Variants in CRX observed in about 807,000 individuals in gnomAD.
CRX encodes cone-rod homeobox.
A neutral mutation model predicts 13.1 loss-of-function variants in CRX; 5 were observed. That is an observed-to-expected ratio of 0.38 (90% CI 0.20 to 0.80). CRX has a LOEUF of 0.80. Among genes scored for constraint, CRX ranks in the 30% least tolerant of loss-of-function variants. The pLI is 0.43. For missense variants in CRX, 351 were observed against 391.8 expected, an observed-to-expected ratio of 0.90 and a Z score of 0.88; for synonymous variants, 179 against 171.1, an observed-to-expected ratio of 1.05 and a Z score of -0.36.
At chr19:47,831,725 C>T (rs977232758) in intron 1 of CRX, among the ~76,000 whole-genome samples, 10 of 151,812 alleles carry the variant, frequency 6.6e-5, no homozygotes, top group South Asian at 6.2e-4. Flanking sequence ...GTCTTATTGC[C>T]GAGCCTAGAA....
intron 3 of CRX, among the ~76,000 whole-genome samples, chr19:47,838,801 T>C (rs12973062): frequency 0.18 from 26,004 of 142,820 alleles, 2,555 homozygotes; most frequent in Non-Finnish European, 0.22. Context: ...GATGTATGTG[T>C]GTATGGTGTA....
At position 47,840,007 on chromosome 19, in the gene CRX, C is replaced by A; in HGVS notation, c.*40C>A. 1 of 1,606,236 alleles carries A rather than the reference C, an allele frequency of 6.2e-7. No homozygotes were observed. The highest frequency in any genetic ancestry group is 8.5e-7 in the Non-Finnish European group (1 of 1,178,848). ...ATCTCTCTCCATCGGGCCTCGGGAC[C>A]CTTTCTCTTCTGAATCTGCTTCCCT... is the stretch of plus-strand genomic sequence containing the variant. On this transcript the variant is annotated 3_prime_UTR_variant, in exon 4 of 4. Coordinates refer to ENST00000221996, the MANE Select transcript of CRX (RefSeq NM_000554.6).
At chr19:47,822,656 A>T (rs1967926304) in intron 1 of CRX, among the ~76,000 whole-genome samples, 2 of 152,188 alleles carry the variant, frequency 1.3e-5, no homozygotes, top group Admixed American at 6.5e-5. Context: ...GTGCTGGTGA[A>T]TTGATCACTT....
Position 47,839,990 on chromosome 19 carries a change from C to T in CRX, c.*23C>T. On this transcript the variant is annotated 3_prime_UTR_variant, in exon 4 of 4. Transcript: ENST00000221996. The surrounding 1 kb of genome is among the most constrained non-coding windows in gnomAD (Gnocchi z 4.6). ...TAGAGGACGCAGTCTCCATCTCTCTCCATCGGGCCTCGGGACCCTTTCTCT... is the reference window on the plus strand; with the variant it reads ...TAGAGGACGCAGTCTCCATCTCTCTTCATCGGGCCTCGGGACCCTTTCTCT... The T allele has an allele frequency of 6.2e-7, 1 of 1,611,046 alleles. No homozygotes were observed. The highest frequency in any genetic ancestry group is 1.1e-5 in the South Asian group (1 of 91,056).
intron 1 of CRX, among the ~76,000 whole-genome samples, chr19:47,824,990 A>ATTTT (rs11374819): frequency 0.071 from 7,072 of 100,222 alleles, 777 homozygotes; most frequent in African/African-American, 0.23. Flanking sequence ...CGATTGATTG[A>ATTTT]TTTTTTTTTT....
chr19:47,825,067 T>C (rs894100011), intron 1 of CRX, among the ~76,000 whole-genome samples: 12 of 141,906 alleles, frequency 8.5e-5, no homozygotes, highest in Admixed American at 7.6e-4. Flanking sequence ...CTCAGCTCAC[T>C]GCAGCCTCCG....
At chr19:47,826,235 A>G (rs1967973766) in intron 1 of CRX, among the ~76,000 whole-genome samples, 1 of 152,132 alleles carries the variant, frequency 6.6e-6, no homozygotes, top group South Asian at 2.1e-4. Flanking sequence ...TAGCCTTGAA[A>G]TCCTGGATTC....
Position 47,834,410 on chromosome 19 carries a change from C to T in CRX, c.-34C>T. 2.7e-6 allele frequency: 4 copies of T among 1,501,688 alleles called. No individual in the cohort carries two copies. The highest frequency in any genetic ancestry group is 3.7e-6 in the Non-Finnish European group (4 of 1,077,572). The allele number at this position is 1,501,688 out of a possible 1,614,324, so 93.0% of individuals were successfully genotyped here. On this transcript the variant is annotated splice_region_variant and 5_prime_UTR_variant, in exon 2 of 4. Transcript: ENST00000221996. ...AGCATCCCTCCTCTTCTCTTGCAGGCCCCCTGACTTGGGCCTCAGTGTCCC... is the reference window on the plus strand; with the variant it reads ...AGCATCCCTCCTCTTCTCTTGCAGGTCCCCTGACTTGGGCCTCAGTGTCCC...
At chr19:47,836,533 C>A in intron 3 of CRX, 139 bp downstream of exon 3, 1 of 1,162,940 alleles carries the variant, frequency 8.6e-7, no homozygotes, top group Non-Finnish European at 1.2e-6. Flanking sequence ...TCCCTCTCCC[C>A]ACCATCCCAC....
chr19:47,825,829 G>A (rs1206099757), intron 1 of CRX, among the ~76,000 whole-genome samples: 1 of 152,196 alleles, frequency 6.6e-6, no homozygotes, highest in Non-Finnish European at 1.5e-5. Flanking sequence ...GGCTGAGGCA[G>A]AAGAATCGCT....
intron 1 of CRX, among the ~76,000 whole-genome samples, chr19:47,828,265 T>C (rs1323667260): frequency 3.3e-5 from 5 of 152,130 alleles, no homozygotes; most frequent in African/African-American, 1.2e-4. Context: ...CTTCCTATAT[T>C]CCTAGTTCCT....
chr19:47,838,392 G>A (rs1006851268), intron 3 of CRX, among the ~76,000 whole-genome samples: 2 of 152,082 alleles, frequency 1.3e-5, no homozygotes, highest in South Asian at 2.1e-4. Context: ...TGAAATGTGT[G>A]TCTGCATGAT....
Position 47,840,011 on chromosome 19 carries a change from T to G in CRX, c.*44T>G, listed in dbSNP as rs779790279. On this transcript the variant is annotated 3_prime_UTR_variant, in exon 4 of 4. Coordinates refer to ENST00000221996, the MANE Select transcript of CRX (RefSeq NM_000554.6). ...CTCTCCATCGGGCCTCGGGACCCTT[T>G]CTCTTCTGAATCTGCTTCCCTGCAG... 6.2e-7 allele frequency: 1 copy of G among 1,605,198 alleles called. No individual in the cohort carries two copies. The highest frequency in any genetic ancestry group is 8.5e-7 in the Non-Finnish European group (1 of 1,178,562).
At chr19:47,823,538 G>C (rs1395929021) in intron 1 of CRX, among the ~76,000 whole-genome samples, 2 of 152,180 alleles carry the variant, frequency 1.3e-5, no homozygotes, top group Admixed American at 1.3e-4. Flanking sequence ...CTGGACAGAG[G>C]AGCCAACAGA....
At chr19:47,828,827 C>T (rs1413135280) in intron 1 of CRX, among the ~76,000 whole-genome samples, 4 of 151,212 alleles carry the variant, frequency 2.6e-5, no homozygotes, top group Non-Finnish European at 2.9e-5. Context: ...ATGAGGAACC[C>T]TCAGAGGGTT....
At chr19:47,822,171 A>T (rs1301733600) in intron 1 of CRX, among the ~76,000 whole-genome samples, 161 bp downstream of exon 1, 1 of 152,190 alleles carries the variant, frequency 6.6e-6, no homozygotes, top group East Asian at 1.9e-4. Flanking sequence ...GCATTTGTGG[A>T]AACGGGGCTA....
chr19:47,822,939 G>A (rs929270512), intron 1 of CRX, among the ~76,000 whole-genome samples: 16 of 152,096 alleles, frequency 1.1e-4, no homozygotes, highest in Non-Finnish European at 2.1e-4. Context: ...AATTACAGGC[G>A]CGTGCCCCCA....
At position 47,841,522 on chromosome 19, in the gene CRX, G is replaced by T. The variant is rs1373455151; in HGVS notation, c.*1555G>T. ...CAAGAGATAGGAAGAGGGGGAAATA[G>T]ATTTGGAGGAGGCAGCCCTACATTT... On this transcript the variant is annotated 3_prime_UTR_variant, in exon 4 of 4. Transcript: ENST00000221996. The T allele has an allele frequency of 6.6e-6, 1 of 151,170 alleles. No homozygotes were observed. Among genetic ancestry groups the T allele is most frequent in the Non-Finnish European group, 1.5e-5 (1 of 67,918 alleles). The allele number at this position is 151,170 out of a possible 1,614,324, so 9.4% of individuals were successfully genotyped here.
chr19:47,838,623 T>C (rs1968148739), intron 3 of CRX, among the ~76,000 whole-genome samples: 1 of 152,084 alleles, frequency 6.6e-6, no homozygotes. Flanking sequence ...ATGATGTATA[T>C]GTGTATGATG....
Sources: allele counts gnomAD v4.1 joint callset (sites outside exome capture counted in the v4.1 genomes callset), GRCh38; gene constraint gnomAD v4.1.1; non-coding constraint Gnocchi (gnomAD v3.1); transcripts MANE v1.5; gene names NCBI Gene and HGNC (gene_info 2026-07-23, HGNC 2026-07-21).